Variants in CPT1A observed in about 807,000 individuals in gnomAD.
CPT1A encodes the protein carnitine palmitoyltransferase 1A.
CPT1A carries 64 observed loss-of-function variants against 100.8 expected under a neutral mutation model. That is an observed-to-expected ratio of 0.63 (90% confidence interval 0.52 to 0.78). CPT1A has a LOEUF of 0.78. Among genes scored for constraint, CPT1A ranks in the 30% least tolerant of loss-of-function variants. The pLI is 0.00. For missense variants in CPT1A, 802 were observed against 1,034.1 expected (o/e 0.78, Z 3.08); for synonymous variants, 363 against 396.0 (o/e 0.92, Z 0.99).
intron 2 of CPT1A, 125 bp downstream of exon 2, chr11:68,815,209 A>C: frequency 1.1e-6 from 1 of 950,792 alleles, no homozygotes; most frequent in Non-Finnish European, 1.7e-6. Flanking sequence ...AGCCTTAAGT[A>C]CCATGGAAAC....
chr11:68,763,320 C>T lies in CPT1A; in HGVS notation c.1741-559G>A, dbSNP rs914548409. On this transcript the variant is annotated intron_variant, in intron 14 of 18. Coordinates refer to ENST00000265641, the MANE Select transcript of CPT1A (RefSeq NM_001876.4). ...GATACTATGACACCCCCCCCACCCC[C>T]GAGTCCAACACACCTCTGCTGCATT... 9.7e-4 allele frequency among the ~76,000 whole-genome samples: 147 copies of T among 152,210 alleles called. 3 individuals carry two copies. The highest frequency in any genetic ancestry group is 3.1e-4 in the Non-Finnish European group (21 of 68,016).
chr11:68,822,666 T>C (rs1856615929), intron 1 of CPT1A, among the ~76,000 whole-genome samples: 1 of 152,178 alleles, frequency 6.6e-6, no homozygotes, highest in Admixed American at 6.5e-5. Context: ...ACATCATTCA[T>C]GATAGCCAAA....
At chr11:68,794,271 C>T (rs1214067725) in intron 8 of CPT1A, among the ~76,000 whole-genome samples, 1 of 152,036 alleles carries the variant, frequency 6.6e-6, no homozygotes, top group African/African-American at 2.4e-5. Flanking sequence ...GGGTCCAGGA[C>T]CAGGTGGGAG....
upstream of CPT1A, chr11:68,841,979 C>T (rs1857171953): frequency 1.0e-6 from 1 of 985,186 alleles, no homozygotes; most frequent in Non-Finnish European, 1.2e-6. The surrounding 1 kb of genome is among the most constrained non-coding windows in gnomAD (Gnocchi z 6.3). Context: ...GGAGGGCGGG[C>T]CCGGGGCCTC....
intron 14 of CPT1A, among the ~76,000 whole-genome samples, chr11:68,763,302 T>C (rs1854683171): frequency 6.6e-6 from 1 of 152,094 alleles, no homozygotes; most frequent in Non-Finnish European, 1.5e-5. Flanking sequence ...ACTGATACTA[T>C]GACACCCCCC....
chr11:68,837,031 A>G (rs1384659992), intron 1 of CPT1A, among the ~76,000 whole-genome samples: 1 of 152,124 alleles, frequency 6.6e-6, no homozygotes, highest in Non-Finnish European at 1.5e-5. Context: ...AGCATATGAC[A>G]GTTTTGTCTC....
At chr11:68,803,219 G>A (rs1447858066) in intron 5 of CPT1A, among the ~76,000 whole-genome samples, 1 of 152,226 alleles carries the variant, frequency 6.6e-6, no homozygotes, top group Non-Finnish European at 1.5e-5. Context: ...CTATGTGTAT[G>A]AACTTTGAAG....
At chr11:68,783,861 G>A (rs1380695784) in intron 10 of CPT1A, among the ~76,000 whole-genome samples, 4 of 152,184 alleles carry the variant, frequency 2.6e-5, no homozygotes, top group Non-Finnish European at 5.9e-5. Context: ...CCAAGCTCGG[G>A]CTGATTCGCT....
At chr11:68,768,805 G>A (rs1398546341) in intron 14 of CPT1A, among the ~76,000 whole-genome samples, 2 of 152,002 alleles carry the variant, frequency 1.3e-5, no homozygotes, top group African/African-American at 2.4e-5. Flanking sequence ...ATTCTTCCCC[G>A]ATGCATGTTT....
At chr11:68,815,582 T>C in intron 1 of CPT1A, 95 bp from the exon 2 acceptor site, 1 of 1,216,176 alleles carries the variant, frequency 8.2e-7, no homozygotes, top group South Asian at 1.2e-5. Flanking sequence ...GAACTTAAGT[T>C]CTTCCTCGCC....
Position 68,785,777 on chromosome 11 carries a change from A to C in CPT1A, c.968-767T>G. The stretch of plus-strand genomic sequence containing the variant: ...TAACTTTTTATTAATTAATGACAAT[A>C]GGGCAACTTAGAAAATATGCTGAGA... On this transcript the variant is annotated intron_variant, in intron 9 of 18. Coordinates refer to ENST00000265641, the MANE Select transcript of CPT1A (RefSeq NM_001876.4). 1.3e-5 allele frequency: 7 copies of C among 538,902 alleles called. No homozygotes were observed. The South Asian group carries it at 1.6e-4, about 13-fold the overall frequency. 33.4% of individuals were successfully genotyped at this position (538,902 alleles called of 1,614,324 possible).
chr11:68,827,494 T>G (rs923438260), intron 1 of CPT1A, among the ~76,000 whole-genome samples: 4 of 152,158 alleles, frequency 2.6e-5, no homozygotes, highest in African/African-American at 9.7e-5. Context: ...AACATTTTGC[T>G]GTATTGATTT....
At chr11:68,838,997 G>GGAGAGATTCTC (rs997253248) in intron 1 of CPT1A, among the ~76,000 whole-genome samples, 2 of 151,962 alleles carry the variant, frequency 1.3e-5, no homozygotes, top group Non-Finnish European at 2.9e-5. Flanking sequence ...AAAGTGTGTT[G>GGAGAGATTCTC]GAGAGATTCT....
intron 14 of CPT1A, among the ~76,000 whole-genome samples, chr11:68,768,100 G>C (rs963003033): frequency 1.0e-5 from 1 of 96,212 alleles, no homozygotes; most frequent in Admixed American, 1.2e-4. Flanking sequence ...TTTTGAGAGG[G>C]AGTCTCGCAC....
At position 68,756,349 on chromosome 11, in the gene CPT1A, A is replaced by G. The variant is rs1946693640; in HGVS notation, c.*1295T>C. The stretch of plus-strand genomic sequence containing the variant: ...TGCTTCATTTTTGCATTAAATACTG[A>G]AGATGACTCAGTGCATAATTGCTTT... On this transcript the variant is annotated 3_prime_UTR_variant, in exon 19 of 19. Coordinates refer to ENST00000265641, the MANE Select transcript of CPT1A (RefSeq NM_001876.4). The G allele has an allele frequency of 6.6e-6, 1 of 152,270 alleles. No homozygotes were observed. Among genetic ancestry groups the G allele is most frequent in the Non-Finnish European group, 1.5e-5 (1 of 68,060 alleles). The allele number at this position is 152,270 out of a possible 1,614,324, so 9.4% of individuals were successfully genotyped here. A position where few individuals can be genotyped will look rare whatever the true frequency, so the allele number is the denominator to read the frequency against.
intron 1 of CPT1A, among the ~76,000 whole-genome samples, chr11:68,816,722 A>G (rs1018092162): frequency 2.0e-5 from 3 of 150,828 alleles, no homozygotes; most frequent in African/African-American, 7.3e-5. Context: ...AGAGGAAAAA[A>G]CTTTCAAGGA....
chr11:68,773,616 C>T, intron 13 of CPT1A, 187 bp from the exon 14 acceptor site: 1 of 1,024,588 alleles, frequency 9.8e-7, no homozygotes, highest in Non-Finnish European at 1.4e-6. Flanking sequence ...GGAGGAGCAG[C>T]TGCAATGTTA....
At chr11:68,773,026 A>C (rs989915457) in intron 14 of CPT1A, among the ~76,000 whole-genome samples, 2 of 151,376 alleles carry the variant, frequency 1.3e-5, no homozygotes, top group Non-Finnish European at 2.9e-5. Flanking sequence ...CATCCCCCAG[A>C]CTCTCCCTCT....
At chr11:68,808,253 C>T (rs1169598620) in intron 3 of CPT1A, among the ~76,000 whole-genome samples, 1 of 152,030 alleles carries the variant, frequency 6.6e-6, no homozygotes, top group Non-Finnish European at 1.5e-5. Flanking sequence ...AATAAAGAAA[C>T]GGACTGTGTA....
Sources: allele counts gnomAD v4.1 joint callset (sites outside exome capture counted in the v4.1 genomes callset), GRCh38; gene constraint gnomAD v4.1.1; non-coding constraint Gnocchi (gnomAD v3.1); transcripts MANE v1.5; gene names NCBI Gene and HGNC (gene_info 2026-07-23, HGNC 2026-07-21).